Variants in OOSP1 observed in about 807,000 individuals in gnomAD.
OOSP1 encodes the protein putative oocyte-secreted protein 1 homolog.
A neutral mutation model predicts 5.7 loss-of-function variants in OOSP1; 11 were observed. The observed-to-expected ratio is 1.94, with a 90% confidence interval of 1.22 to 3.20. OOSP1 has a LOEUF of 3.20. Among genes scored for constraint, OOSP1 ranks in the 30% most tolerant of loss-of-function variants. OOSP1 has a pLI of 0.00. For synonymous variants in OOSP1, 44 were observed against 20.0 expected, an observed-to-expected ratio of 2.20 and a Z score of -3.20; for missense variants, 83 against 54.1, an observed-to-expected ratio of 1.53 and a Z score of -1.67.
chr11:59,942,618 A>G (rs1020908308), intron 1 of OOSP1, among the ~76,000 whole-genome samples: 2 of 152,146 alleles, frequency 1.3e-5, no homozygotes, highest in Non-Finnish European at 2.9e-5. Flanking sequence ...TTTCCCCCCT[A>G]TATATAGATT....
chr11:59,940,693 T>A (rs1853815841), intron 1 of OOSP1, among the ~76,000 whole-genome samples: 1 of 152,218 alleles, frequency 6.6e-6, no homozygotes, highest in Non-Finnish European at 1.5e-5. Flanking sequence ...TGTGTGCATA[T>A]CTAGGAATGG....
chr11:59,955,126 A>G (rs1320904660), intron 4 of OOSP1, among the ~76,000 whole-genome samples: 2 of 152,120 alleles, frequency 1.3e-5, no homozygotes, highest in Admixed American at 6.6e-5. Flanking sequence ...AAAACACATT[A>G]TGGTTTACAT....
chr11:59,955,681 T>C (rs1377418072), intron 4 of OOSP1, among the ~76,000 whole-genome samples: 1 of 152,076 alleles, frequency 6.6e-6, no homozygotes, highest in Non-Finnish European at 1.5e-5. Context: ...TGCAGAGGCA[T>C]GCCTATGGCT....
rs1177482936 is a variant in OOSP1 at position 59,948,347 on chromosome 11, T to C, written c.486+485T>C. 2.0e-5 allele frequency among the ~76,000 whole-genome samples: 3 copies of C among 152,088 alleles called. No individual in the cohort carries two copies. In the East Asian group the frequency reaches 5.8e-4, roughly 29 times the overall value. Reference sequence around the variant, plus strand: ...TTCATTCTTGAGCCCCATATGAAGGTATATTATGAAAAATCCACACACATT... The same window carrying C: ...TTCATTCTTGAGCCCCATATGAAGGCATATTATGAAAAATCCACACACATT... On this transcript the variant is annotated intron_variant, in intron 4 of 4. Coordinates refer to ENST00000646685, the Ensembl canonical transcript of OOSP1.
chr11:59,953,009 C>T (rs2037213074), intron 4 of OOSP1, among the ~76,000 whole-genome samples: 1 of 152,112 alleles, frequency 6.6e-6, no homozygotes, highest in Non-Finnish European at 1.5e-5. Flanking sequence ...TACACATTTT[C>T]CTCTGGTTAG....
chr11:59,945,108 CT>C, intron 2 of OOSP1, 60 bp from the exon 3 acceptor site: 1 of 696,424 alleles, frequency 1.4e-6, no homozygotes, highest in South Asian at 1.5e-5. Flanking sequence ...ATTTAAATGC[CT>C]GTAAGTTTCC....
intron 4 of OOSP1, chr11:59,949,018 ATAC>A (rs1853914414): frequency 2.7e-6 from 1 of 366,388 alleles, no homozygotes; most frequent in Non-Finnish European, 4.9e-6. Flanking sequence ...AATAAAGTTT[ATAC>A]TACTATATAT....
rs537818884 is a variant in OOSP1 at position 59,944,840 on chromosome 11, C to T, written c.259-329C>T. Among the ~76,000 whole-genome samples the T allele has an allele frequency of 2.6e-5, 4 of 152,316 alleles. No individual in the cohort carries two copies. The East Asian group carries it at 7.7e-4, about 29-fold the overall frequency. On this transcript the variant is annotated intron_variant, in intron 2 of 4. Coordinates refer to ENST00000646685, the Ensembl canonical transcript of OOSP1. ...GATTCATATGATCTCAAAGCCCATG[C>T]TCGCTTTGAATAAGCAATGTATCAC...
At chr11:59,948,232 G>T (rs1438687533) in intron 4 of OOSP1, among the ~76,000 whole-genome samples, 1 of 152,174 alleles carries the variant, frequency 6.6e-6, no homozygotes, top group Non-Finnish European at 1.5e-5. Context: ...ATATGTTGAT[G>T]ATCCCTGGGA....
intron 4 of OOSP1, among the ~76,000 whole-genome samples, chr11:59,955,633 T>C (rs80329661): frequency 6.6e-6 from 1 of 151,958 alleles, no homozygotes; most frequent in African/African-American, 2.4e-5. Context: ...TTTTTTTTTT[T>C]CTTTGAGACA....
intron 2 of OOSP1, among the ~76,000 whole-genome samples, chr11:59,943,572 A>G (rs1290918361): frequency 1.3e-5 from 2 of 152,216 alleles, no homozygotes; most frequent in African/African-American, 4.8e-5. Context: ...CAGGCGGGAG[A>G]GTTGAAGGTT....
chr11:59,954,151 C>A (rs1853967624), intron 4 of OOSP1, among the ~76,000 whole-genome samples: 1 of 152,114 alleles, frequency 6.6e-6, no homozygotes, highest in Non-Finnish European at 1.5e-5. Flanking sequence ...AAAAGATAAA[C>A]AGGGTACACG....
chr11:59,955,541 A>G (rs1298648405), intron 4 of OOSP1, among the ~76,000 whole-genome samples: 24 of 152,200 alleles, frequency 1.6e-4, no homozygotes, highest in Admixed American at 1.5e-3. Context: ...GTATCATAGA[A>G]GCAATAGATT....
chr11:59,946,204 T>C (rs1213359123), intron 3 of OOSP1, among the ~76,000 whole-genome samples: 1 of 152,148 alleles, frequency 6.6e-6, no homozygotes, highest in South Asian at 2.1e-4. Flanking sequence ...ACGAACCCTA[T>C]TGTGAACTTC....
chr11:59,938,672 A>G (rs1005759798), intron 1 of OOSP1, 142 bp downstream of exon 1: 2 of 402,634 alleles, frequency 5.0e-6, no homozygotes, highest in South Asian at 1.3e-4. Context: ...TCGATGTGCA[A>G]TCTTGAGATA....
chr11:59,948,920 T>C, intron 4 of OOSP1: 1 of 395,556 alleles, frequency 2.5e-6, no homozygotes, highest in Non-Finnish European at 4.5e-6. Context: ...TAAATTGTGA[T>C]TTTAAATAAA....
chr11:59,940,663 A>G (rs558863983), intron 1 of OOSP1, among the ~76,000 whole-genome samples: 3 of 152,306 alleles, frequency 2.0e-5, no homozygotes, highest in African/African-American at 7.2e-5. Context: ...TAATGTTTGT[A>G]TTTGAGTGGT....
chr11:59,951,244 A>T (rs200899483), intron 4 of OOSP1, among the ~76,000 whole-genome samples: 2 of 140,898 alleles, frequency 1.4e-5, no homozygotes, highest in Admixed American at 7.1e-5. Flanking sequence ...TCCTAAAATT[A>T]AAAAAAAAAA....
chr11:59,957,313 A>T (rs907967147), exon 5 of OOSP1: 1 of 397,438 alleles, frequency 2.5e-6, no homozygotes, highest in African/African-American at 2.1e-5. Flanking sequence ...TCTTCATCAC[A>T]CCCTGCAATT....
Sources: allele counts gnomAD v4.1 joint callset (sites outside exome capture counted in the v4.1 genomes callset), GRCh38; gene constraint gnomAD v4.1.1; transcripts MANE v1.5; gene names NCBI Gene and HGNC (gene_info 2026-07-23, HGNC 2026-07-21).